MLLT10: variants seen among roughly 807,000 people sequenced by gnomAD.
MLLT10 encodes MLLT10 histone lysine methyltransferase DOT1L cofactor.
Under a neutral mutation model 129.1 loss-of-function variants are expected in MLLT10, and 30 were observed. The ratio of observed to expected loss-of-function variants is 0.23; its 90% CI spans 0.17 to 0.32. The LOEUF (loss-of-function observed/expected upper bound fraction) is 0.32, where lower values mean the gene tolerates loss of function less well. MLLT10 is among the 10% of genes least tolerant of loss of function. MLLT10 has a pLI of 1.00. For synonymous variants in MLLT10, 490 were observed against 446.4 expected (o/e 1.10, Z -1.23); for missense variants, 1,119 against 1,268.3 (o/e 0.88, Z 1.79).
chr10:21,548,079 G>T (rs527707293), intron 3 of MLLT10, among the ~76,000 whole-genome samples: 88 of 152,130 alleles, frequency 5.8e-4, no homozygotes, highest in African/African-American at 1.6e-3. Context: ...TTGGAAGCTA[G>T]TTTGAATCCT....
chr10:21,589,741 A>G (rs531206918), intron 4 of MLLT10, among the ~76,000 whole-genome samples: 6 of 152,310 alleles, frequency 3.9e-5, no homozygotes, highest in African/African-American at 1.4e-4. Context: ...GGATTATGCT[A>G]GTCACTTAAA....
chr10:21,541,684 C>G (rs996863225), intron 3 of MLLT10, among the ~76,000 whole-genome samples: 8 of 152,098 alleles, frequency 5.3e-5, no homozygotes, highest in African/African-American at 9.7e-5. Context: ...CCACGCCCGG[C>G]CTGAATTTTA....
At chr10:21,570,343 G>GA (rs775919598) in intron 3 of MLLT10, among the ~76,000 whole-genome samples, 197 of 152,290 alleles carry the variant, frequency 1.3e-3, no homozygotes, top group Non-Finnish European at 2.4e-3. Flanking sequence ...AAAGTGCTGG[G>GA]ATTACAGGCA....
intron 9 of MLLT10, among the ~76,000 whole-genome samples, chr10:21,666,790 G>T (rs1589527613): frequency 6.6e-6 from 1 of 152,010 alleles, no homozygotes; most frequent in Admixed American, 6.6e-5. Flanking sequence ...GTCAACTGCG[G>T]TCTGAAAAAT....
intron 3 of MLLT10, among the ~76,000 whole-genome samples, chr10:21,572,474 G>A (rs1385042102): frequency 6.6e-6 from 1 of 152,256 alleles, no homozygotes; most frequent in Admixed American, 6.5e-5. Flanking sequence ...TCAGTTTGAG[G>A]AGAACTGACA....
intron 14 of MLLT10, among the ~76,000 whole-genome samples, chr10:21,722,745 A>G (rs1349556502): frequency 6.6e-6 from 1 of 152,142 alleles, no homozygotes; most frequent in Non-Finnish European, 1.5e-5. Context: ...GGAGGTACCC[A>G]GTCTTTCCGA....
chr10:21,694,321 G>T (rs2054159584), intron 13 of MLLT10, among the ~76,000 whole-genome samples: 1 of 152,084 alleles, frequency 6.6e-6, no homozygotes, highest in Non-Finnish European at 1.5e-5. Flanking sequence ...AGTTGTTTTG[G>T]ATTTTATTTT....
chr10:21,671,510 G>A (rs2051400484), intron 10 of MLLT10, among the ~76,000 whole-genome samples: 1 of 152,072 alleles, frequency 6.6e-6, no homozygotes, highest in African/African-American at 2.4e-5. Context: ...GGTGTGAACT[G>A]GGCACAGTGG....
intron 9 of MLLT10, among the ~76,000 whole-genome samples, chr10:21,654,990 CAGTA>C (rs1373173783): frequency 1.3e-5 from 2 of 151,912 alleles, no homozygotes; most frequent in Non-Finnish European, 2.9e-5. Context: ...CTGGGCAACT[CAGTA>C]AGACCTCAAA....
intron 2 of MLLT10, among the ~76,000 whole-genome samples, chr10:21,537,027 A>G (rs981850253): frequency 5.9e-5 from 9 of 151,910 alleles, no homozygotes; most frequent in African/African-American, 2.2e-4. Context: ...CCCCAGGGTG[A>G]TCTGCCTGCC....
At chr10:21,542,835 A>G (rs1436265962) in intron 3 of MLLT10, among the ~76,000 whole-genome samples, 7 of 152,240 alleles carry the variant, frequency 4.6e-5, no homozygotes, top group Admixed American at 3.3e-4. Context: ...GCAATGAGCT[A>G]TAGTCACACT....
At chr10:21,585,728 T>A (rs868260430) in intron 3 of MLLT10, among the ~76,000 whole-genome samples, 1 of 152,158 alleles carries the variant, frequency 6.6e-6, no homozygotes, top group Non-Finnish European at 1.5e-5. Context: ...TTTGTGTTTT[T>A]ATTAATGTAA....
intron 2 of MLLT10, among the ~76,000 whole-genome samples, chr10:21,535,894 G>C (rs1457233761): frequency 2.0e-5 from 3 of 152,208 alleles, no homozygotes; most frequent in Non-Finnish European, 2.9e-5. Flanking sequence ...TTCTGAGGTA[G>C]TGTACTTACT....
intron 3 of MLLT10, among the ~76,000 whole-genome samples, chr10:21,580,010 G>GT (rs2041229028): frequency 1.3e-5 from 2 of 149,004 alleles, no homozygotes; most frequent in African/African-American, 4.9e-5. Context: ...TTTTTGTTTT[G>GT]TTTTTTCTTT....
chr10:21,654,263 A>G (rs1035181194), intron 9 of MLLT10, among the ~76,000 whole-genome samples: 1 of 152,174 alleles, frequency 6.6e-6, no homozygotes, highest in Non-Finnish European at 1.5e-5. Context: ...AGGTTAGGGA[A>G]GTGGAGATAA....
intron 3 of MLLT10, among the ~76,000 whole-genome samples, chr10:21,560,871 G>A (rs1302947368): frequency 1.3e-5 from 2 of 152,152 alleles, no homozygotes; most frequent in Admixed American, 6.5e-5. Flanking sequence ...GGCCATTTGT[G>A]TGTATTCTTT....
chr10:21,554,734 A>G (rs577895241), intron 3 of MLLT10, among the ~76,000 whole-genome samples: 1 of 151,462 alleles, frequency 6.6e-6, no homozygotes, highest in Admixed American at 6.6e-5. Context: ...TGCTGGGACT[A>G]CAGGCTCTGA....
intron 4 of MLLT10, among the ~76,000 whole-genome samples, chr10:21,591,202 GCACGC>G (rs1194472777): frequency 6.6e-6 from 1 of 152,158 alleles, no homozygotes; most frequent in Admixed American, 6.5e-5. Context: ...GACTACACGT[GCACGC>G]CACCTTATCC....
intron 3 of MLLT10, among the ~76,000 whole-genome samples, chr10:21,541,911 TGGA>T (rs1447399852): frequency 1.3e-5 from 2 of 152,224 alleles, no homozygotes; most frequent in Non-Finnish European, 2.9e-5. Flanking sequence ...ATTTAGCAAA[TGGA>T]GGATAAAATC....
Sources: allele counts gnomAD v4.1 joint callset (sites outside exome capture counted in the v4.1 genomes callset), GRCh38; gene constraint gnomAD v4.1.1; transcripts MANE v1.5; gene names NCBI Gene and HGNC (gene_info 2026-07-23, HGNC 2026-07-21).